SOAT1: variants seen among roughly 807,000 people sequenced by gnomAD.
SOAT1 encodes the protein sterol O-acyltransferase 1, also known as acyl-coenzyme A:cholesterol acyltransferase 1.
A neutral mutation model predicts 69.5 loss-of-function variants in SOAT1; 55 were observed. That is an observed-to-expected ratio of 0.79 (90% CI 0.64 to 0.99). The LOEUF is 0.99. Among genes scored for constraint, SOAT1 ranks in the 50% least tolerant of loss-of-function variants. The pLI is 0.00. For synonymous variants in SOAT1, 231 were observed against 224.7 expected (o/e 1.03, Z -0.25); for missense variants, 580 against 669.3 (o/e 0.87, Z 1.47).
At chr1:179,299,476 T>C (rs1265221569) in intron 1 of SOAT1, among the ~76,000 whole-genome samples, 3 of 152,050 alleles carry the variant, frequency 2.0e-5, no homozygotes, top group Admixed American at 2.0e-4. Context: ...AGGAGTTAGC[T>C]ACATAAAAAA....
chr1:179,346,273 T>A (rs1047341972), intron 11 of SOAT1, among the ~76,000 whole-genome samples: 1 of 152,188 alleles, frequency 6.6e-6, no homozygotes, highest in Non-Finnish European at 1.5e-5. Flanking sequence ...CCAATCACAG[T>A]CTCTCTCATA....
At chr1:179,341,375 CATACTG>C in intron 7 of SOAT1, 65 bp downstream of exon 7, 1 of 1,396,854 alleles carries the variant, frequency 7.2e-7, no homozygotes, top group Non-Finnish European at 9.9e-7. Flanking sequence ...ATGATGATGA[CATACTG>C]ATACTATTAT....
chr1:179,303,116 CAAGTT>C (rs1664892383), intron 2 of SOAT1, among the ~76,000 whole-genome samples: 2 of 152,114 alleles, frequency 1.3e-5, no homozygotes, highest in African/African-American at 4.8e-5. Flanking sequence ...TATGGAGCTC[CAAGTT>C]AAGTGAATGA....
intron 3 of SOAT1, among the ~76,000 whole-genome samples, chr1:179,330,303 A>T (rs1183612282): frequency 6.6e-6 from 1 of 152,128 alleles, no homozygotes; most frequent in African/African-American, 2.4e-5. Flanking sequence ...TCATGGGTTT[A>T]GGGGGCAAGC....
chr1:179,349,891 A>G (rs964690524), intron 13 of SOAT1, among the ~76,000 whole-genome samples: 8 of 152,226 alleles, frequency 5.3e-5, no homozygotes, highest in Non-Finnish European at 1.2e-4. Context: ...GTAGTTTCAC[A>G]TACGGATAAG....
In SOAT1 at chr1:179,354,314, A is replaced by G. The variant is rs1033045462; in HGVS notation, c.*673A>G. The G allele has an allele frequency of 5.9e-5, 9 of 152,658 alleles. No individual in the cohort carries two copies. The highest frequency in any genetic ancestry group is 1.2e-4 in the African/African-American group (5 of 41,452). The allele number at this position is 152,658 out of a possible 1,614,324, so 9.5% of individuals were successfully genotyped here. A position where few individuals can be genotyped will look rare whatever the true frequency, so the allele number is the denominator to read the frequency against. ...ACCATGAATTCTTGAGTTTACATCAATAATATTGTATATTAAGGGGATCAG... is the reference window on the plus strand; with the variant it reads ...ACCATGAATTCTTGAGTTTACATCAGTAATATTGTATATTAAGGGGATCAG... On this transcript the variant is annotated 3_prime_UTR_variant, in exon 16 of 16. Transcript: ENST00000367619.
chr1:179,355,214 T>C lies in SOAT1; in HGVS notation c.*1573T>C, dbSNP rs1453203879. 1 of 152,228 alleles carries C rather than the reference T, an allele frequency of 6.6e-6. No homozygotes were observed. The highest frequency in any genetic ancestry group is 1.5e-5 in the Non-Finnish European group (1 of 68,036). The allele number at this position is 152,228 out of a possible 1,614,324, so 9.4% of individuals were successfully genotyped here. ...CGCAGTAATGTTCTGCACAACAGTA[T>C]TGTAATTGTAATGGAATCATAACCT... On this transcript the variant is annotated 3_prime_UTR_variant, in exon 16 of 16. Coordinates refer to ENST00000367619, the MANE Select transcript of SOAT1 (RefSeq NM_003101.6).
intron 15 of SOAT1, among the ~76,000 whole-genome samples, chr1:179,353,218 T>TATAAATATATATATATAA (rs1220147274): frequency 8.3e-6 from 1 of 120,514 alleles, no homozygotes; most frequent in South Asian, 2.4e-4. Flanking sequence ...AATATATATA[T>TATAAATATATATATATAA]ATATATCTAT....
At chr1:179,303,786 A>T (rs549138912) in intron 2 of SOAT1, among the ~76,000 whole-genome samples, 39 of 152,320 alleles carry the variant, frequency 2.6e-4, no homozygotes, top group African/African-American at 8.7e-4. Flanking sequence ...GGATGAGCCA[A>T]TACTGGGGAG....
At chr1:179,353,500 A>G in intron 15 of SOAT1, 85 bp from the exon 16 acceptor site, 3 of 1,152,114 alleles carry the variant, frequency 2.6e-6, no homozygotes, top group Non-Finnish European at 3.9e-6. Flanking sequence ...TGTACAATGT[A>G]TCATATTAAC....
intron 2 of SOAT1, among the ~76,000 whole-genome samples, chr1:179,305,898 T>C: frequency 6.6e-6 from 1 of 152,148 alleles, no homozygotes. Flanking sequence ...AATCCTTTGT[T>C]ATAAATAGGA....
chr1:179,350,378 TTTGC>T lies in SOAT1; in HGVS notation c.1401_1404del (p.Cys467Ter). The T allele has an allele frequency of 8.1e-6, 13 of 1,614,138 alleles. No homozygotes were observed. The highest frequency in any genetic ancestry group is 1.1e-5 in the Non-Finnish European group (13 of 1,179,998). ...GTAGTACACGAATATGCCTTGGCTG[TTTGC>T]TTGAGCTTTTTCTATCCCGTGCTCT... On this transcript the variant is annotated frameshift_variant, in exon 14 of 16. Transcript: ENST00000367619. LOFTEE classifies it high-confidence loss of function.
intron 2 of SOAT1, among the ~76,000 whole-genome samples, chr1:179,316,382 C>G (rs1665395034): frequency 6.6e-6 from 1 of 151,564 alleles, no homozygotes; most frequent in Non-Finnish European, 1.5e-5. Context: ...TGTGATATAT[C>G]TAAGTCGATT....
At chr1:179,327,750 A>G (rs1321862384) in intron 3 of SOAT1, among the ~76,000 whole-genome samples, 1 of 135,112 alleles carries the variant, frequency 7.4e-6, no homozygotes, top group African/African-American at 2.8e-5. Context: ...TTATTAAGTA[A>G]GGAAAAGTGT....
At chr1:179,307,726 A>G (rs1665055830) in intron 2 of SOAT1, among the ~76,000 whole-genome samples, 2 of 152,178 alleles carry the variant, frequency 1.3e-5, no homozygotes, top group Non-Finnish European at 2.9e-5. Context: ...CTTTTATGCA[A>G]AGCCAAGGAT....
In SOAT1 at chr1:179,351,899, T is replaced by C. The variant is rs546778525; in HGVS notation, c.1596+437T>C. Among the ~76,000 whole-genome samples, 7 of 151,884 alleles carry C rather than the reference T, an allele frequency of 4.6e-5. No individual in the cohort carries two copies. In the East Asian group the frequency reaches 1.2e-3, roughly 25 times the overall value. On this transcript the variant is annotated intron_variant, in intron 15 of 15. Transcript: ENST00000367619. ...CATGCCCGCTAAATTTTTGTATTTT[T>C]AGTAGAGATGGGGTTTCACCATGTT... is the stretch of plus-strand genomic sequence containing the variant.
At position 179,350,335 on chromosome 1, in the gene SOAT1, G is replaced by T; in HGVS notation, c.1354G>T (p.Val452Phe). The T allele has an allele frequency of 1.9e-6, 3 of 1,613,926 alleles. No individual in the cohort carries two copies. The highest frequency in any genetic ancestry group is 1.7e-6 in the Non-Finnish European group (2 of 1,179,938). ...KRFKSAAMLA[V>F]FAVSAVVHEY... ...ATTCAAATCTGCTGCCATGTTAGCT[G>T]TCTTTGCTGTATCTGCTGTAGTACA... The change falls in exon 14 of 16, where the codon GTC becomes TTC. Residue 452 changes from valine to phenylalanine, a missense_variant. By Grantham distance (50) the Val-to-Phe change is conservative. Coordinates refer to ENST00000367619, the MANE Select transcript of SOAT1 (RefSeq NM_003101.6).
At chr1:179,314,430 A>G (rs1052954376) in intron 2 of SOAT1, among the ~76,000 whole-genome samples, 4 of 152,200 alleles carry the variant, frequency 2.6e-5, no homozygotes, top group Non-Finnish European at 5.9e-5. Context: ...ACCCTGTGGA[A>G]GCAGCCTAGG....
intron 2 of SOAT1, among the ~76,000 whole-genome samples, chr1:179,313,241 A>C (rs1356211617): frequency 6.6e-6 from 1 of 152,212 alleles, no homozygotes; most frequent in African/African-American, 2.4e-5. Flanking sequence ...GTTGTTACAT[A>C]GTTGCAGACT....
Sources: gnomAD v4.1 joint callset for allele counts (sites outside exome capture counted in the v4.1 genomes callset) on GRCh38, gnomAD v4.1.1 for gene constraint, MANE v1.5 for transcripts, NCBI Gene and HGNC (gene_info 2026-07-23, HGNC 2026-07-21) for gene names.